AMZ1: variants seen among roughly 807,000 people sequenced by gnomAD.
AMZ1 encodes the protein archaelysin family metallopeptidase 1.
Under a neutral mutation model 29.9 loss-of-function variants are expected in AMZ1, and 39 were observed. The observed-to-expected ratio is 1.30, with a 90% CI of 1.01 to 1.70. AMZ1 has a LOEUF of 1.70. AMZ1 is among the 40% of genes most tolerant of loss of function. The pLI, the probability that AMZ1 is intolerant of heterozygous loss-of-function variation, is 0.00. For synonymous variants in AMZ1, 458 were observed against 304.0 expected, an observed-to-expected ratio of 1.51 and a Z score of -5.27; for missense variants, 1,041 against 680.6, an observed-to-expected ratio of 1.53 and a Z score of -5.89.
intron 4 of AMZ1, among the ~76,000 whole-genome samples, chr7:2,759,004 G>A (rs989413562): frequency 6.6e-6 from 1 of 152,004 alleles, no homozygotes; most frequent in African/African-American, 2.4e-5. Context: ...GCGGGGCGTG[G>A]TGGTGGGCGC....
Position 2,700,528 on chromosome 7 carries a change from C to G in AMZ1, c.77C>G (p.Ala26Gly), listed in dbSNP as rs746838162. ...AAGGACGCTCTGGTCTCCACTGACG[C>G]AGCCCTGCAGCAGCTGTATGTGTCC... is the stretch of plus-strand genomic sequence containing the variant. ...ALKDALVSTDAALQQLYVSAF... is the reference protein window; with the variant it reads ...ALKDALVSTDGALQQLYVSAF... Residue 26 changes from alanine to glycine, a missense_variant, in exon 2 of 7, where the codon GCA (alanine) becomes GGA (glycine). Physicochemically the swap from Ala to Gly is moderately conservative, Grantham distance 60. Coordinates refer to ENST00000683327, the MANE Select transcript of AMZ1 (RefSeq NM_001384743.1). 1 of 1,608,400 alleles carries G rather than the reference C, an allele frequency of 6.2e-7. No homozygotes were observed. The highest frequency in any genetic ancestry group is 8.5e-7 in the Non-Finnish European group (1 of 1,179,926).
intron 1 of AMZ1, among the ~76,000 whole-genome samples, chr7:2,690,253 C>T (rs894779206): frequency 1.3e-5 from 2 of 152,160 alleles, no homozygotes; most frequent in Non-Finnish European, 2.9e-5. Context: ...GGGTCTTGCT[C>T]TGTCTTCCAG....
intron 4 of AMZ1, among the ~76,000 whole-genome samples, chr7:2,727,217 G>A (rs980967025): frequency 4.0e-5 from 6 of 151,890 alleles, no homozygotes; most frequent in African/African-American, 1.5e-4. Context: ...GAGTAGCTAG[G>A]ATTACAGGCG....
rs11975552 is a variant in AMZ1 at position 2,739,642 on chromosome 7, T to C, written n.551-25070T>C. Among the ~76,000 whole-genome samples the C allele has an allele frequency of 4.6e-3, 704 of 152,320 alleles. 8 individuals carry two copies. Among genetic ancestry groups the C allele is most frequent in the African/African-American group, 0.016 (661 of 41,562 alleles). Reference sequence around the variant, plus strand: ...AATATCTGTTTTCATTTCTTGAGTATACACCTAGGAGTGAAACTGTAGCAT... The same window carrying C: ...AATATCTGTTTTCATTTCTTGAGTACACACCTAGGAGTGAAACTGTAGCAT... On this transcript the variant is annotated intron_variant and non_coding_transcript_variant, in intron 4 of 4. Coordinates refer to the AMZ1 transcript ENST00000489665.
Position 2,700,385 on chromosome 7 carries a change from C to A in AMZ1, c.-67C>A, listed in dbSNP as rs545540653. 1 of 1,531,994 alleles carries A rather than the reference C, an allele frequency of 6.5e-7. No individual in the cohort carries two copies. The highest frequency in any genetic ancestry group is 8.8e-7 in the Non-Finnish European group (1 of 1,140,070). 94.9% of individuals were successfully genotyped at this position (1,531,994 alleles called of 1,614,324 possible). On this transcript the variant is annotated 5_prime_UTR_variant, in exon 2 of 7. Transcript: ENST00000683327. ...GGAAGATTCTGGACGAGACCGTGGCCGTCCCCCGGGTGGCCCATGGACAGC... is the reference window on the plus strand; with the variant it reads ...GGAAGATTCTGGACGAGACCGTGGCAGTCCCCCGGGTGGCCCATGGACAGC...
chr7:2,746,369 C>A (rs1353817942), intron 4 of AMZ1, among the ~76,000 whole-genome samples: 1 of 151,688 alleles, frequency 6.6e-6, no homozygotes, highest in African/African-American at 2.4e-5. Flanking sequence ...ATTAAGAAAT[C>A]AAAACCGCTC....
chr7:2,721,919 A>ATATC (rs1294747499), downstream of AMZ1, among the ~76,000 whole-genome samples: 1 of 152,248 alleles, frequency 6.6e-6, no homozygotes, highest in Non-Finnish European at 1.5e-5. Flanking sequence ...ACACTTTATC[A>ATATC]TATCTTAACC....
At chr7:2,747,251 C>CATTG (rs1422042502) in intron 4 of AMZ1, among the ~76,000 whole-genome samples, 1 of 152,156 alleles carries the variant, frequency 6.6e-6, no homozygotes, top group African/African-American at 2.4e-5. Context: ...CCTTGATGAA[C>CATTG]ATTGATGCAA....
chr7:2,709,878 C>T (rs570223353), intron 6 of AMZ1, 62 bp downstream of exon 6: 125 of 1,581,872 alleles, frequency 7.9e-5, no homozygotes, highest in East Asian at 5.3e-4. Context: ...CCGCGAGCGC[C>T]GCCTGGAGGC....
chr7:2,744,414 G>A (rs1436869594), intron 4 of AMZ1, among the ~76,000 whole-genome samples: 2 of 152,216 alleles, frequency 1.3e-5, no homozygotes, highest in Non-Finnish European at 2.9e-5. Context: ...AACAGGGTCT[G>A]GAGTGGACCT....
At position 2,734,546 on chromosome 7, in the gene AMZ1, C is replaced by T. The variant is rs146488436; in HGVS notation, n.550+24730C>T. ...GCCATCAGAATGGACTACGTGATGG[C>T]GCTGAAGCTCGTGGCGTTGTAAGGG... On this transcript the variant is annotated intron_variant and non_coding_transcript_variant, in intron 4 of 4. Transcript: ENST00000489665. Among the ~76,000 whole-genome samples the T allele has an allele frequency of 1.2e-4, 19 of 152,292 alleles. No homozygotes were observed. In the East Asian group the frequency reaches 2.1e-3, roughly 17 times the overall value.
rs1562373476 is a variant in AMZ1 at position 2,709,809 on chromosome 7, G to A, written c.941G>A (p.Arg314Lys). 6.2e-7 allele frequency: 1 copy of A among 1,611,948 alleles called. No individual in the cohort carries two copies. The change falls in exon 6 of 7, where the codon AGG becomes AAG. Residue 314 changes from arginine to lysine, a missense_variant. Transcript: ENST00000683327. ...GTCCTGGGTTTCAGGCTCATCGAGAGGTACCAGGTGAGTGGCTGAGTTGCG... is the reference window on the plus strand; with the variant it reads ...GTCCTGGGTTTCAGGCTCATCGAGAAGTACCAGGTGAGTGGCTGAGTTGCG... ...QHVLGFRLIERYQRLYTWTQA... is the reference protein window; with the variant it reads ...QHVLGFRLIEKYQRLYTWTQA...
chr7:2,709,839 C>T lies in AMZ1; in HGVS notation c.948+23C>T, dbSNP rs1181631787. Reference sequence around the variant, plus strand: ...CAGGTGAGTGGCTGAGTTGCGCTGCCCGGCTGCTGGGACCTGCGCTCCGGA... The same window carrying T: ...CAGGTGAGTGGCTGAGTTGCGCTGCTCGGCTGCTGGGACCTGCGCTCCGGA... On this transcript the variant is annotated intron_variant, in intron 6 of 6. Coordinates refer to ENST00000683327, the MANE Select transcript of AMZ1 (RefSeq NM_001384743.1). 3.1e-6 allele frequency: 5 copies of T among 1,609,124 alleles called. No homozygotes were observed. The Admixed American group carries it at 5.0e-5, about 16-fold the overall frequency.
downstream of AMZ1, among the ~76,000 whole-genome samples, chr7:2,724,051 G>A (rs576781827): frequency 8.1e-5 from 12 of 147,642 alleles, no homozygotes; most frequent in Admixed American, 2.0e-4. Flanking sequence ...GATTACAGGC[G>A]CCTGCCACCA....
Position 2,694,345 on chromosome 7 carries a change from C to T in AMZ1, c.-218-5889C>T, listed in dbSNP as rs192673231. On this transcript the variant is annotated intron_variant, in intron 1 of 6. Transcript: ENST00000683327. ...TCGGCTGCCCTGGTTCTCAGGCCTT[C>T]GGACATGAGCTGAGTTTGAATCACG... Among the ~76,000 whole-genome samples, 1,040 of 152,324 alleles carry T rather than the reference C, an allele frequency of 6.8e-3. 2 individuals are homozygous for T. Among genetic ancestry groups the T allele is most frequent in the Non-Finnish European group, 0.011 (767 of 68,022 alleles).
intron 4 of AMZ1, chr7:2,728,199 T>C (rs1227888373): frequency 2.0e-5 from 3 of 152,342 alleles, no homozygotes; most frequent in African/African-American, 4.8e-5. Context: ...CCAATGTTAA[T>C]ACACTGTGCA....
At chr7:2,683,727 C>T (rs534116620), upstream of AMZ1, among the ~76,000 whole-genome samples, 28 of 152,198 alleles carry the variant, frequency 1.8e-4, no homozygotes, top group African/African-American at 6.3e-4. Flanking sequence ...CGCGAGCCAC[C>T]GCGCCCAGCT....
Position 2,712,550 on chromosome 7 carries a change from C to A in AMZ1, c.1169C>A (p.Ala390Asp). Residue 390 changes from alanine (A) to aspartate (D), a missense_variant, in exon 7 of 7, where the codon GCC becomes GAC. Coordinates refer to ENST00000683327, the MANE Select transcript of AMZ1 (RefSeq NM_001384743.1). The stretch of plus-strand genomic sequence containing the variant: ...GAGGAAGGGCTGAGCTACCTGGCAG[C>A]CTCAGAGGCTCCGCTGCCACCTGGG... The part of the protein sequence containing the change: ...GPEEGLSYLA[A>D]SEAPLPPGGP... The A allele has an allele frequency of 1.2e-6, 2 of 1,609,740 alleles. No homozygotes were observed. Among genetic ancestry groups the A allele is most frequent in the South Asian group, 1.1e-5 (1 of 90,704 alleles).
intron 1 of AMZ1, among the ~76,000 whole-genome samples, chr7:2,691,902 G>A (rs56394748): frequency 0.023 from 3,497 of 152,088 alleles, 41 homozygotes; most frequent in Middle Eastern, 0.034. Context: ...GGAAGGCCCT[G>A]GGCTGCTCCA....
Sources: gnomAD v4.1 joint callset for allele counts (sites outside exome capture counted in the v4.1 genomes callset) on GRCh38, gnomAD v4.1.1 for gene constraint, MANE v1.5 for transcripts, NCBI Gene and HGNC (gene_info 2026-07-23, HGNC 2026-07-21) for gene names.